The following GPR132 variants were observed in gnomAD, a reference collection of about 807,000 sequenced individuals.
GPR132 encodes the protein probable G protein-coupled receptor 132.
A neutral mutation model predicts 1.9 loss-of-function variants in GPR132; 4 were observed. The observed-to-expected ratio is 2.13, with a 90% CI of 1.05 to 4.87. The LOEUF (loss-of-function observed/expected upper bound fraction) is 4.87, where lower values mean the gene tolerates loss of function less well. GPR132 is among the 30% of genes most tolerant of loss of function. The pLI, the probability that GPR132 is intolerant of heterozygous loss-of-function variation, is 0.01. For synonymous variants in GPR132, 233 were observed against 234.2 expected, an observed-to-expected ratio of 0.99 and a Z score of 0.05; for missense variants, 404 against 512.5, an observed-to-expected ratio of 0.79 and a Z score of 2.04.
rs1595134162 is a variant in GPR132 at position 105,051,776 on chromosome 14, T to C, written c.361A>G (p.Ile121Val). The change falls in exon 4 of 4, where the codon ATC becomes GTC. Residue 121 changes from isoleucine (I) to valine (V), a missense_variant. By Grantham distance (29) the Ile-to-Val change is conservative. Transcript: ENST00000329797. The surrounding 1 kb of genome is among the most constrained non-coding windows in gnomAD (Gnocchi z 8.0). ...GLLACKVTAYIFFCNIYVSIL... is the reference protein window; with the variant it reads ...GLLACKVTAYVFFCNIYVSIL... ...CTGACGTAGATGTTGCAGAAGAAGA[T>C]GTAGGCGGTCACCTTGCAGGCCAGC... 8.7e-6 allele frequency: 14 copies of C among 1,614,148 alleles called. No individual in the cohort carries two copies. The highest frequency in any genetic ancestry group is 1.2e-5 in the Non-Finnish European group (14 of 1,180,020).
At position 105,053,487 on chromosome 14, in the gene GPR132, T is replaced by A. The variant is rs187436165; in HGVS notation, c.35-1385A>T. 2.8e-3 allele frequency among the ~76,000 whole-genome samples: 425 copies of A among 152,302 alleles called. 4 individuals carry two copies. The highest frequency in any genetic ancestry group is 9.9e-3 in the African/African-American group (412 of 41,566). ...TCTGTAGTCTTACCACATATTTGCCTGTGTGAACTATCAATTACTAAAAAA... is the reference window on the plus strand; with the variant it reads ...TCTGTAGTCTTACCACATATTTGCCAGTGTGAACTATCAATTACTAAAAAA... On this transcript the variant is annotated intron_variant, in intron 3 of 3. Transcript: ENST00000329797.
rs777550344 is a variant in GPR132 at position 105,051,987 on chromosome 14, G to A, written c.150C>T (p.Ser50=). The part of the protein sequence containing the change: ...ESRIVLVVVY[S]AVCTLGVPAN... Reference sequence around the variant, plus strand: ...CCGGCACCCCCAGCGTGCACACCGCGCTGTACACCACGACCAGGACTATCC... The same window carrying A: ...CCGGCACCCCCAGCGTGCACACCGCACTGTACACCACGACCAGGACTATCC... The change falls in exon 4 of 4, where the codon AGC becomes AGT. Residue 50 remains serine, a synonymous_variant. Coordinates refer to ENST00000329797, the MANE Select transcript of GPR132 (RefSeq NM_013345.4). This position sits in a 1 kb window ranked among gnomAD's most constrained non-coding sequence, Gnocchi z 8.0. 13 of 1,612,900 alleles carry A rather than the reference G, an allele frequency of 8.1e-6. No individual in the cohort carries two copies. The highest frequency in any genetic ancestry group is 2.7e-5 in the African/African-American group (2 of 74,934).
rs1249117234 is a variant in GPR132, at chr14:105,051,370, G to A, written c.767C>T (p.Ala256Val). ...AVVVIFLVCFAPYHLVLLVKA... is the reference protein window; with the variant it reads ...AVVVIFLVCFVPYHLVLLVKA... ...GACGAGGAGAACCAGGTGGTACGGG[G>A]CGAAGCAGACTAGGAAGATGACAAC... is the stretch of plus-strand genomic sequence containing the variant. The change falls in exon 4 of 4, where the codon GCC becomes GTC. Residue 256 changes from alanine (A) to valine (V), a missense_variant. Transcript: ENST00000329797. The surrounding 1 kb of genome is among the most constrained non-coding windows in gnomAD (Gnocchi z 8.0). 3 of 1,614,126 alleles carry A rather than the reference G, an allele frequency of 1.9e-6. No individual in the cohort carries two copies. In the Admixed American group the frequency reaches 5.0e-5, roughly 27 times the overall value.
At position 105,062,483 on chromosome 14, in the gene GPR132, CT is replaced by C. The variant is rs1173895004; in HGVS notation, c.-861+2895del. Among the ~76,000 whole-genome samples the C allele has an allele frequency of 2.6e-5, 4 of 150,976 alleles. 1 individual carries two copies. The highest frequency in any genetic ancestry group is 4.9e-5 in the African/African-American group (2 of 40,980). ...TTCCATGAACCCATGTTTTCTCTTT[CT>C]TTTTTTCTTTTGCCTTTTTTGCCTT... is the stretch of plus-strand genomic sequence containing the variant. On this transcript the variant is annotated intron_variant, in intron 1 of 3. Transcript: ENST00000329797.
intron 3 of GPR132, among the ~76,000 whole-genome samples, chr14:105,052,381 G>A (rs1398578050): frequency 1.3e-5 from 2 of 152,034 alleles, no homozygotes; most frequent in African/African-American, 4.8e-5. Context: ...AGGTTGGAGT[G>A]CAGTGGCACA....
intron 1 of GPR132, among the ~76,000 whole-genome samples, chr14:105,061,523 C>T (rs993507046): frequency 2.3e-4 from 35 of 152,304 alleles, no homozygotes; most frequent in African/African-American, 7.5e-4. Flanking sequence ...TGCAGTGTCG[C>T]GGTCTGTCCT....
chr14:105,050,907 G>A lies in GPR132; in HGVS notation c.*87C>T. 2.4e-6 allele frequency: 3 copies of A among 1,226,828 alleles called. No individual in the cohort carries two copies. The highest frequency in any genetic ancestry group is 2.4e-5 in the East Asian group (1 of 41,896). The allele number at this position is 1,226,828 out of a possible 1,614,324, so 76.0% of individuals were successfully genotyped here. On this transcript the variant is annotated 3_prime_UTR_variant, in exon 4 of 4. Coordinates refer to ENST00000329797, the MANE Select transcript of GPR132 (RefSeq NM_013345.4). This position sits in a 1 kb window ranked among gnomAD's most constrained non-coding sequence, Gnocchi z 4.0. ...AGTTTGTCTTCCAGAGGGGACATGG[G>A]CACTGTGGCTGGTGGGCTCAGTGCA...
chr14:105,053,146 T>TG (rs1408758041), intron 3 of GPR132, among the ~76,000 whole-genome samples: 11 of 143,380 alleles, frequency 7.7e-5, no homozygotes, highest in African/African-American at 2.6e-4. Flanking sequence ...TAACCTGTAG[T>TG]CTTTTTTTTT....
rs35863392 is a variant in GPR132, at chr14:105,055,023, C to CAAAAAA, written c.34+358_34+363dup. Among the ~76,000 whole-genome samples the CAAAAAA allele has an allele frequency of 1.1e-5, 1 of 91,294 alleles. No homozygotes were observed. The highest frequency in any genetic ancestry group is 4.8e-5 in the African/African-American group (1 of 20,868). The allele number at this position is 91,294 out of a possible 152,430, so 59.9% of individuals were successfully genotyped here. ...AGGGCAACAGAGCAAGACTCCATCTCAAAAAAAAAAAAAAAAAAAAAATTC... is the reference window on the plus strand; with the variant it reads ...AGGGCAACAGAGCAAGACTCCATCTCAAAAAAAAAAAAAAAAAAAAAAAAAAAATTC... On this transcript the variant is annotated intron_variant, in intron 3 of 3. Coordinates refer to ENST00000329797, the MANE Select transcript of GPR132 (RefSeq NM_013345.4). The surrounding 1 kb of genome is among the most constrained non-coding windows in gnomAD (Gnocchi z 4.7).
rs558947453 is a variant in GPR132, at chr14:105,051,713, C to T, written c.424G>A (p.Val142Met). 7.5e-5 allele frequency: 121 copies of T among 1,614,014 alleles called. 1 individual carries two copies. The highest frequency in any genetic ancestry group is 4.0e-4 in the South Asian group (36 of 91,090). Reference sequence around the variant, plus strand: ...CTCTCCAGCGCGTACACCACGGCCACGAAGCGGTCGCAGGAGATGCAGCAC... The same window carrying T: ...CTCTCCAGCGCGTACACCACGGCCATGAAGCGGTCGCAGGAGATGCAGCAC... The part of the protein sequence containing the change: ...FLCCISCDRF[V>M]AVVYALESRG... Residue 142 changes from valine (V) to methionine (M), a missense_variant, in exon 4 of 4, where the codon GTG (valine) becomes ATG (methionine). Physicochemically the swap from Val to Met is conservative, Grantham distance 21 (BLOSUM62 1). Transcript: ENST00000329797. The surrounding 1 kb of genome is among the most constrained non-coding windows in gnomAD (Gnocchi z 8.0).
In GPR132 at chr14:105,056,371, A is replaced by C. The variant is rs1886793614; in HGVS notation, c.-746-205T>G. 6.6e-6 allele frequency among the ~76,000 whole-genome samples: 1 copy of C among 152,118 alleles called. No homozygotes were observed. The highest frequency in any genetic ancestry group is 2.1e-4 in the South Asian group (1 of 4,820). On this transcript the variant is annotated intron_variant, in intron 2 of 3. Transcript: ENST00000329797. The surrounding 1 kb of genome is among the most constrained non-coding windows in gnomAD (Gnocchi z 6.0). ...ACGAGTGCCCCAGCCCCGCTGTGCG[A>C]GTCCTGAGCTCAGAGGAAGTTTCGG...
intron 3 of GPR132, chr14:105,054,160 C>A: frequency 7.9e-7 from 1 of 1,272,834 alleles, no homozygotes; most frequent in Non-Finnish European, 1.0e-6. Context: ...GACCTGGCCT[C>A]AGCACCTGAC....
At chr14:105,054,584 C>T (rs1048239799) in intron 3 of GPR132, among the ~76,000 whole-genome samples, 11 of 151,478 alleles carry the variant, frequency 7.3e-5, no homozygotes, top group Non-Finnish European at 1.5e-4. Flanking sequence ...GCACTCGCCA[C>T]CACGCCCATC....
At chr14:105,053,451 C>T (rs762460707) in intron 3 of GPR132, among the ~76,000 whole-genome samples, 11 of 152,150 alleles carry the variant, frequency 7.2e-5, no homozygotes, top group Non-Finnish European at 1.0e-4. Flanking sequence ...TGAGCCACTG[C>T]GCCCGGCTAA....
rs1444831015 is a variant in GPR132 at position 105,057,249 on chromosome 14, T to G, written c.-829A>C. On this transcript the variant is annotated 5_prime_UTR_variant, in exon 2 of 4. Transcript: ENST00000329797. ...CATGTCATGCGTCTTGTCGGTCCTA[T>G]CAAGACGTTCACTCTGAGAGTTTAA... The G allele has an allele frequency of 2.0e-6, 2 of 1,010,942 alleles. No individual in the cohort carries two copies. Among genetic ancestry groups the G allele is most frequent in the African/African-American group, 3.2e-5 (2 of 63,090 alleles). 62.6% of individuals were successfully genotyped at this position (1,010,942 alleles called of 1,614,324 possible).
chr14:105,061,031 C>T (rs923381059), intron 1 of GPR132, among the ~76,000 whole-genome samples: 6 of 152,272 alleles, frequency 3.9e-5, no homozygotes, highest in African/African-American at 1.4e-4. Flanking sequence ...GAGCTGCTGA[C>T]GTCCAGATCC....
chr14:105,051,206 C>T lies in GPR132; in HGVS notation c.931G>A (p.Ala311Thr). 4 of 1,614,024 alleles carry T rather than the reference C, an allele frequency of 2.5e-6. No individual in the cohort carries two copies. Among genetic ancestry groups the T allele is most frequent in the Non-Finnish European group, 3.4e-6 (4 of 1,179,910 alleles). ...GVADPIIYVL[A>T]TDHSRQEVSR... ...ACTTCTTGGCGGGAATGGTCCGTGGCCAGCACGTAGATAATGGGGTCAGCC... is the reference window on the plus strand; with the variant it reads ...ACTTCTTGGCGGGAATGGTCCGTGGTCAGCACGTAGATAATGGGGTCAGCC... The change falls in exon 4 of 4, where the codon GCC becomes ACC. Residue 311 changes from alanine (A) to threonine (T), a missense_variant. Physicochemically the swap from Ala to Thr is moderately conservative, Grantham distance 58. Transcript: ENST00000329797. The surrounding 1 kb of genome is among the most constrained non-coding windows in gnomAD (Gnocchi z 8.0).
rs766780812 is a variant in GPR132 at position 105,052,029 on chromosome 14, C to T, written c.108G>A (p.Val36=). ...GGACTATCCTGCTCTCTTCGAAGGA[C>T]ACGTTGTTGCAGGTCTTGGCGGAGA... ...LGLSAKTCNN[V]SFEESRIVLV... The change falls in exon 4 of 4, where the codon GTG becomes GTA. Residue 36 remains valine (V), a synonymous_variant. Transcript: ENST00000329797. 18 of 1,608,780 alleles carry T rather than the reference C, an allele frequency of 1.1e-5. No homozygotes were observed. Among genetic ancestry groups the T allele is most frequent in the African/African-American group, 2.7e-5 (2 of 74,924 alleles).
chr14:105,061,311 A>T (rs1886936529), intron 1 of GPR132, among the ~76,000 whole-genome samples: 1 of 152,232 alleles, frequency 6.6e-6, no homozygotes, highest in Admixed American at 6.5e-5. Flanking sequence ...ACAGGCCCAC[A>T]GCCTCAGGCA....
Sources: gnomAD v4.1 joint callset for allele counts (sites outside exome capture counted in the v4.1 genomes callset) on GRCh38, gnomAD v4.1.1 for gene constraint, Gnocchi (gnomAD v3.1) non-coding constraint, MANE v1.5 for transcripts, NCBI Gene and HGNC (gene_info 2026-07-23, HGNC 2026-07-21) for gene names.